The following RPS6KC1 variants were observed in gnomAD, a reference collection of about 807,000 sequenced individuals.
The protein encoded by RPS6KC1 is inactive ribosomal protein S6 kinase delta-1.
RPS6KC1 carries 54 observed loss-of-function variants against 103.8 expected under a neutral mutation model. That is an observed-to-expected ratio of 0.52 (90% CI 0.42 to 0.65). RPS6KC1 has a LOEUF of 0.65. RPS6KC1 is among the 30% of genes least tolerant of loss of function. RPS6KC1 has a pLI of 0.00. For missense variants in RPS6KC1, 1,151 were observed against 1,253.8 expected (o/e 0.92, Z 1.24); for synonymous variants, 439 against 438.7 (o/e 1.00, Z -0.01).
rs1020771602 is a variant in RPS6KC1, at chr1:213,051,300, C to A, written c.-105C>A. 4 of 787,724 alleles carry A rather than the reference C, an allele frequency of 5.1e-6. No homozygotes were observed. Among genetic ancestry groups the A allele is most frequent in the Non-Finnish European group, 8.4e-6 (4 of 475,700 alleles). The allele number at this position is 787,724 out of a possible 1,614,324, so 48.8% of individuals were successfully genotyped here. A position where few individuals can be genotyped will look rare whatever the true frequency, so the allele number is the denominator to read the frequency against. On this transcript the variant is annotated 5_prime_UTR_variant, in exon 1 of 15. Coordinates refer to ENST00000366960, the MANE Select transcript of RPS6KC1 (RefSeq NM_012424.6). Reference sequence around the variant, plus strand: ...CCGTGGAGCCGCCTTGGAGCCACCGCCCCCTCGCCGCTTCGCCGCTGCGTT... The same window carrying A: ...CCGTGGAGCCGCCTTGGAGCCACCGACCCCTCGCCGCTTCGCCGCTGCGTT...
the RPS6KC1 span, among the ~76,000 whole-genome samples, chr1:213,379,796 C>T: frequency 6.6e-6 from 1 of 152,112 alleles, no homozygotes; most frequent in East Asian, 1.9e-4. Flanking sequence ...ACACCAGTTA[C>T]AATATCTATT....
the RPS6KC1 span, among the ~76,000 whole-genome samples, chr1:213,424,451 C>CT: frequency 1.3e-5 from 2 of 152,356 alleles, no homozygotes; most frequent in African/African-American, 4.8e-5. Context: ...AGAGCTCTTT[C>CT]TATCTGCCAA....
the RPS6KC1 span, among the ~76,000 whole-genome samples, chr1:213,308,116 A>G: frequency 6.6e-6 from 1 of 152,256 alleles, no homozygotes. Flanking sequence ...GTTCAAGACC[A>G]GCTTGGCCAA....
intron 8 of RPS6KC1, among the ~76,000 whole-genome samples, chr1:213,176,894 T>C (rs1347209460): frequency 6.6e-6 from 1 of 152,208 alleles, no homozygotes; most frequent in Non-Finnish European, 1.5e-5. Flanking sequence ...ACCTACTATA[T>C]GTCGGACCCT....
At chr1:213,846,383 C>T in the RPS6KC1 span, among the ~76,000 whole-genome samples, 1 of 152,138 alleles carries the variant, frequency 6.6e-6, no homozygotes, top group South Asian at 2.1e-4. Flanking sequence ...CCAATGCGCT[C>T]CCCACTAACA....
At chr1:213,268,937 G>T (rs1292261256) in intron 14 of RPS6KC1, among the ~76,000 whole-genome samples, 3 of 151,980 alleles carry the variant, frequency 2.0e-5, no homozygotes, top group Admixed American at 6.6e-5. Context: ...GGCAGTAAAG[G>T]AAGAACAAAT....
chr1:213,626,222 T>C, the RPS6KC1 span, among the ~76,000 whole-genome samples: 1 of 152,268 alleles, frequency 6.6e-6, no homozygotes, highest in Admixed American at 6.5e-5. Flanking sequence ...GCCTTATAAA[T>C]GTCTTCTTTG....
intron 14 of RPS6KC1, 137 bp downstream of exon 14, chr1:213,262,953 A>C: frequency 1.6e-6 from 1 of 643,730 alleles, no homozygotes; most frequent in Non-Finnish European, 2.8e-6. Context: ...TTCAGAATTA[A>C]TACTGTATAT....
chr1:213,498,749 C>T, the RPS6KC1 span, among the ~76,000 whole-genome samples: 7 of 148,526 alleles, frequency 4.7e-5, no homozygotes, highest in Non-Finnish European at 5.9e-5. Context: ...CCACCGTGCC[C>T]GGCCATAAGT....
At chr1:213,601,786 T>C in the RPS6KC1 span, among the ~76,000 whole-genome samples, 3 of 152,082 alleles carry the variant, frequency 2.0e-5, no homozygotes, top group Non-Finnish European at 4.4e-5. Context: ...TAATGCTATA[T>C]TGAGTTTCTA....
chr1:213,465,200 C>T, the RPS6KC1 span, among the ~76,000 whole-genome samples: 1 of 152,202 alleles, frequency 6.6e-6, no homozygotes, highest in Non-Finnish European at 1.5e-5. Context: ...CCTACCCCCT[C>T]TCTTTTGCAG....
intron 3 of RPS6KC1, 79 bp downstream of exon 3, chr1:213,077,895 A>G (rs1236260985): frequency 1.4e-5 from 10 of 709,572 alleles, no homozygotes; most frequent in Non-Finnish European, 1.0e-5. Context: ...TAACTACACT[A>G]TGAAGTCAGA....
At chr1:213,429,193 T>TA in the RPS6KC1 span, 1 of 147,140 alleles carries the variant, frequency 6.8e-6, no homozygotes. Flanking sequence ...CTCTGTTGCC[T>TA]AGGCTGGAGT....
the RPS6KC1 span, among the ~76,000 whole-genome samples, chr1:213,589,096 C>T: frequency 1.3e-5 from 2 of 152,132 alleles, no homozygotes; most frequent in Non-Finnish European, 2.9e-5. Flanking sequence ...GGTGAGTCAC[C>T]TGAGGGCTCT....
chr1:213,054,250 G>A (rs775122860), intron 1 of RPS6KC1, among the ~76,000 whole-genome samples: 9 of 152,164 alleles, frequency 5.9e-5, no homozygotes, highest in Non-Finnish European at 4.4e-5. Flanking sequence ...TTATATATAT[G>A]CATGTTACAT....
At chr1:213,076,747 T>A (rs573447925) in intron 2 of RPS6KC1, among the ~76,000 whole-genome samples, 5 of 152,170 alleles carry the variant, frequency 3.3e-5, no homozygotes, top group Admixed American at 3.3e-4. Flanking sequence ...ATTTTAATGA[T>A]GTTCTGGTCA....
At chr1:213,710,430 C>G in the RPS6KC1 span, among the ~76,000 whole-genome samples, 1 of 152,110 alleles carries the variant, frequency 6.6e-6, no homozygotes, top group East Asian at 1.9e-4. Context: ...AGATGAGTCT[C>G]CTAAATACAG....
intron 3 of RPS6KC1, among the ~76,000 whole-genome samples, chr1:213,099,335 T>C (rs1449425641): frequency 6.6e-6 from 1 of 152,196 alleles, no homozygotes; most frequent in African/African-American, 2.4e-5. Context: ...TTCAAGCATA[T>C]AGACAAGTTG....
intron 3 of RPS6KC1, among the ~76,000 whole-genome samples, chr1:213,096,343 AG>A (rs1269782857): frequency 2.0e-5 from 3 of 152,126 alleles, no homozygotes; most frequent in Non-Finnish European, 4.4e-5. Context: ...CCTCCACTGA[AG>A]TCTTGAACCC....
Sources: allele counts gnomAD v4.1 joint callset (sites outside exome capture counted in the v4.1 genomes callset), GRCh38; gene constraint gnomAD v4.1.1; transcripts MANE v1.5; gene names NCBI Gene and HGNC (gene_info 2026-07-23, HGNC 2026-07-21).